The following ADAMTS10 variants were observed in gnomAD, a reference collection of about 807,000 sequenced individuals.
ADAMTS10 encodes ADAM metallopeptidase with thrombospondin type 1 motif 10, also known as A disintegrin and metalloproteinase with thrombospondin motifs 10.
Under a neutral mutation model 135.9 loss-of-function variants are expected in ADAMTS10, and 48 were observed. That is an observed-to-expected ratio of 0.35 (90% CI 0.28 to 0.45). ADAMTS10 has a LOEUF of 0.45. ADAMTS10 is among the 20% of genes least tolerant of loss of function. The pLI is 1.00. For synonymous variants in ADAMTS10, 621 were observed against 647.5 expected (o/e 0.96, Z 0.62); for missense variants, 1,131 against 1,565.2 (o/e 0.72, Z 4.68).
chr19:8,602,902 C>T (rs1437963794), intron 5 of ADAMTS10, among the ~76,000 whole-genome samples: 3 of 152,180 alleles, frequency 2.0e-5, no homozygotes, highest in African/African-American at 7.2e-5. Flanking sequence ...GCTAGGATTA[C>T]AGGTGTGAGC....
At chr19:8,604,341 G>A (rs1464957081) in intron 4 of ADAMTS10, among the ~76,000 whole-genome samples, 2 of 151,170 alleles carry the variant, frequency 1.3e-5, no homozygotes, top group African/African-American at 2.4e-5. Context: ...AAGATTAAAA[G>A]CATGAGTCAG....
At chr19:8,585,403 G>A in intron 23 of ADAMTS10, 53 bp downstream of exon 23, 1 of 1,536,582 alleles carries the variant, frequency 6.5e-7, no homozygotes. Flanking sequence ...AGGCGTCTCC[G>A]TGGACACCCC....
chr19:8,586,096 C>T (rs2042424906), intron 22 of ADAMTS10, 26 bp downstream of exon 22: 1 of 1,612,210 alleles, frequency 6.2e-7, no homozygotes, highest in Non-Finnish European at 8.5e-7. Context: ...TCACCCTGAG[C>T]AACACTGCCC....
intron 18 of ADAMTS10, 119 bp downstream of exon 18, chr19:8,589,123 C>A: frequency 6.5e-7 from 1 of 1,544,602 alleles, no homozygotes; most frequent in Non-Finnish European, 8.7e-7. Context: ...ACTCCTGACA[C>A]TCCACGGGGC....
Position 8,590,847 on chromosome 19 carries a change from C to T in ADAMTS10, c.1798-856G>A, listed in dbSNP as rs935612689. 7.2e-5 allele frequency among the ~76,000 whole-genome samples: 11 copies of T among 152,308 alleles called. No individual in the cohort carries two copies. The East Asian group carries it at 1.7e-3, about 24-fold the overall frequency. On this transcript the variant is annotated intron_variant, in intron 15 of 25. Coordinates refer to ENST00000597188, the MANE Select transcript of ADAMTS10 (RefSeq NM_030957.4). ...CTGACCTCAGGTGATCTGCCTGCCT[C>T]AGCCTCCCAAAGTGCTGGGATTATA...
rs782000900 is a variant in ADAMTS10 at position 8,605,238 on chromosome 19, G to A, written c.209C>T (p.Ala70Val). ...PPRRQRRGTG[A>V]TAESRLFYKV... ...GTAGAAGAGGCGGGACTCGGCTGTGGCCCCCGTGCCGCGGCGCTGCCTCCG... is the reference window on the plus strand; with the variant it reads ...GTAGAAGAGGCGGGACTCGGCTGTGACCCCCGTGCCGCGGCGCTGCCTCCG... Residue 70 changes from alanine (A) to valine (V), a missense_variant, in exon 4 of 26, where the codon GCC becomes GTC. This residue lies in a region of ADAMTS10 where 306 missense variants were observed against 344.4 expected (regional missense o/e 0.89). Transcript: ENST00000597188. The surrounding 1 kb of genome is among the most constrained non-coding windows in gnomAD (Gnocchi z 7.7). 1 of 1,613,374 alleles carries A rather than the reference G, an allele frequency of 6.2e-7. No homozygotes were observed. The highest frequency in any genetic ancestry group is 8.5e-7 in the Non-Finnish European group (1 of 1,179,650).
rs781865172 is a variant in ADAMTS10 at position 8,596,600 on chromosome 19, A to G, written c.1041-15T>C. 1.2e-6 allele frequency: 2 copies of G among 1,612,232 alleles called. No individual in the cohort carries two copies. Among genetic ancestry groups the G allele is most frequent in the Non-Finnish European group, 1.7e-6 (2 of 1,179,728 alleles). ...AGATGTCATAGCTGTAAAAGGAGAC[A>G]GGGTCAGTGAGGGGGCTGGGCTGTC... On this transcript the variant is annotated splice_polypyrimidine_tract_variant and intron_variant, in intron 8 of 25. Transcript: ENST00000597188. The surrounding 1 kb of genome is among the most constrained non-coding windows in gnomAD (Gnocchi z 7.2).
intron 20 of ADAMTS10, 21 bp downstream of exon 20, chr19:8,586,537 T>C (rs901233741): frequency 6.2e-7 from 1 of 1,613,250 alleles, no homozygotes; most frequent in Non-Finnish European, 8.5e-7. Context: ...GGCTGCACCT[T>C]GCCCCCAGTC....
In ADAMTS10 at chr19:8,580,712, G is replaced by T. The variant is rs1365994328; in HGVS notation, c.*181C>A. The T allele has an allele frequency of 3.4e-6, 2 of 596,352 alleles. No homozygotes were observed. The highest frequency in any genetic ancestry group is 2.9e-5 in the Admixed American group (1 of 34,884). The allele number at this position is 596,352 out of a possible 1,614,324, so 36.9% of individuals were successfully genotyped here. A position where few individuals can be genotyped will look rare whatever the true frequency, so the allele number is the denominator to read the frequency against. ...GGATGCTGAAGAGGGGCTCTGGGGG[G>T]ATAGCCAGCCCCTCTCCATCCCCCC... On this transcript the variant is annotated 3_prime_UTR_variant, in exon 26 of 26. Coordinates refer to ENST00000597188, the MANE Select transcript of ADAMTS10 (RefSeq NM_030957.4).
Position 8,605,113 on chromosome 19 carries a change from G to A in ADAMTS10, c.334C>T (p.Leu112=), listed in dbSNP as rs368941657. ...VSVEYWTREG[L]AWQRAARPHC... ...GGCCGGGCCGCCCTCTGCCAGGCCAGGCCCTCCCGTGTCCAGTACTCCACG... is the reference window on the plus strand; with the variant it reads ...GGCCGGGCCGCCCTCTGCCAGGCCAAGCCCTCCCGTGTCCAGTACTCCACG... The change falls in exon 4 of 26, where the codon CTG becomes TTG. Residue 112 remains leucine, a synonymous_variant. Transcript: ENST00000597188. This position sits in a 1 kb window ranked among gnomAD's most constrained non-coding sequence, Gnocchi z 7.7. 1 of 1,613,202 alleles carries A rather than the reference G, an allele frequency of 6.2e-7. No homozygotes were observed. The highest frequency in any genetic ancestry group is 8.5e-7 in the Non-Finnish European group (1 of 1,179,808).
Position 8,596,760 on chromosome 19 carries a change from C to T in ADAMTS10, c.1041-175G>A, listed in dbSNP as rs964803790. On this transcript the variant is annotated intron_variant, in intron 8 of 25. Coordinates refer to ENST00000597188, the MANE Select transcript of ADAMTS10 (RefSeq NM_030957.4). The surrounding 1 kb of genome is among the most constrained non-coding windows in gnomAD (Gnocchi z 7.2). Reference sequence around the variant, plus strand: ...GAATGAATGAATGCATGCATGCATGCATGAGTGGGAGAATAAGTGAATGAG... The same window carrying T: ...GAATGAATGAATGCATGCATGCATGTATGAGTGGGAGAATAAGTGAATGAG... Among the ~76,000 whole-genome samples the T allele has an allele frequency of 2.2e-4, 34 of 152,154 alleles. No homozygotes were observed. The highest frequency in any genetic ancestry group is 7.7e-4 in the African/African-American group (32 of 41,440).
intron 12 of ADAMTS10, chr19:8,595,466 C>A: frequency 2.3e-6 from 1 of 444,380 alleles, no homozygotes; most frequent in East Asian, 4.8e-5. Context: ...CCTGCTGTAG[C>A]CCACAGGGGG....
At chr19:8,592,208 C>CGGGATGGGGCTGCAAG (rs57291984) in intron 13 of ADAMTS10, 105 bp from the exon 14 acceptor site, 179 of 1,571,990 alleles carry the variant, frequency 1.1e-4, no homozygotes, top group Middle Eastern at 6.1e-4. Flanking sequence ...TCAGCCTCTC[C>CGGGATGGGGCTGCAAG]GGGATGGGCA....
In ADAMTS10 at chr19:8,610,180, A is replaced by AC. The variant is rs1198585455; in HGVS notation, c.-215+463dup. 5.4e-5 allele frequency among the ~76,000 whole-genome samples: 8 copies of AC among 149,522 alleles called. No individual in the cohort carries two copies. The South Asian group carries it at 8.5e-4, about 16-fold the overall frequency. On this transcript the variant is annotated intron_variant, in intron 1 of 25. Transcript: ENST00000597188. ...ACTCACAAGTCCCACAGACCTAGAC[A>AC]CCCCCCCACACCAGACACACACACA...
Position 8,605,341 on chromosome 19 carries a change from G to C in ADAMTS10, c.106C>G (p.Leu36Val). 2 of 1,603,054 alleles carry C rather than the reference G, an allele frequency of 1.2e-6. No individual in the cohort carries two copies. The highest frequency in any genetic ancestry group is 1.7e-6 in the Non-Finnish European group (2 of 1,175,034). ...GGGAAGGCGATCTCATAGCTCTCCA[G>C]ACTGGACAGGAACTCATCTGTGGGT... ...FRSQDEFLSS[L>V]ESYEIAFPTR... The change falls in exon 4 of 26, where the codon CTG becomes GTG. Residue 36 changes from leucine to valine, a missense_variant. Physicochemically the swap from Leu to Val is conservative, Grantham distance 32. Transcript: ENST00000597188. The surrounding 1 kb of genome is among the most constrained non-coding windows in gnomAD (Gnocchi z 7.7).
Position 8,586,190 on chromosome 19 carries a change from G to A in ADAMTS10, c.2592C>T (p.His864=). 2 of 1,613,120 alleles carry A rather than the reference G, an allele frequency of 1.2e-6. No homozygotes were observed. Among genetic ancestry groups the A allele is most frequent in the African/African-American group, 2.7e-5 (2 of 75,050 alleles). Residue 864 remains histidine, a synonymous_variant, in exon 22 of 26, where the codon CAC becomes CAT. Transcript: ENST00000597188. ...GCAGCTTGCTGTGGGCACTGCAGTA[G>A]TGGGGGGCGACCGCGGAGCTGTCCA... The part of the protein sequence containing the change: ...NQLDSSAVAP[H]YCSAHSKLPK...
rs1420375529 is a variant in ADAMTS10, at chr19:8,601,681, A to G, written c.593-536T>C. On this transcript the variant is annotated intron_variant, in intron 5 of 25. Coordinates refer to ENST00000597188, the MANE Select transcript of ADAMTS10 (RefSeq NM_030957.4). The surrounding 1 kb of genome is among the most constrained non-coding windows in gnomAD (Gnocchi z 4.6). ...CTGGCTGCCTCATTGTTTTGTCTAT[A>G]GGGCATCTTGGCGGTACCATCTCTT... Among the ~76,000 whole-genome samples the G allele has an allele frequency of 1.3e-5, 2 of 152,052 alleles. No homozygotes were observed. The highest frequency in any genetic ancestry group is 2.9e-5 in the Non-Finnish European group (2 of 68,000).
At chr19:8,584,543 A>C (rs762212843) in intron 25 of ADAMTS10, among the ~76,000 whole-genome samples, 3 of 152,192 alleles carry the variant, frequency 2.0e-5, no homozygotes, top group Non-Finnish European at 4.4e-5. Context: ...CCCCACGGCA[A>C]TCATCTAGCT....
Position 8,596,290 on chromosome 19 carries a change from G to A in ADAMTS10, c.1190+17C>T, listed in dbSNP as rs782261641. The stretch of plus-strand genomic sequence containing the variant: ...CAGCTCCTCCCCTCCTCCCCCTCTT[G>A]TGTGCCCTGGCCTCACGTGTGCCCG... On this transcript the variant is annotated intron_variant, in intron 10 of 25. Transcript: ENST00000597188. This position sits in a 1 kb window ranked among gnomAD's most constrained non-coding sequence, Gnocchi z 7.2. The A allele has an allele frequency of 1.9e-6, 3 of 1,612,832 alleles. No individual in the cohort carries two copies. The highest frequency in any genetic ancestry group is 1.7e-6 in the Non-Finnish European group (2 of 1,179,986).
Sources: allele counts gnomAD v4.1 joint callset (sites outside exome capture counted in the v4.1 genomes callset), GRCh38; gene constraint gnomAD v4.1.1; regional missense constraint gnomAD v4.1.1; non-coding constraint Gnocchi (gnomAD v3.1); transcripts MANE v1.5; gene names NCBI Gene and HGNC (gene_info 2026-07-23, HGNC 2026-07-21).